Variants in ENO1 observed in about 807,000 individuals in gnomAD.
The protein encoded by ENO1 is alpha-enolase.
ENO1 carries 33 observed loss-of-function variants against 46.3 expected under a neutral mutation model. The ratio of observed to expected loss-of-function variants is 0.71; its 90% confidence interval spans 0.54 to 0.95. The LOEUF (loss-of-function observed/expected upper bound fraction) is 0.95, where lower values mean the gene tolerates loss of function less well. Ranked by LOEUF, ENO1 falls within the 40% of genes least tolerant of loss-of-function variation. The pLI is 0.00. For missense variants in ENO1, 488 were observed against 553.3 expected (o/e 0.88, Z 1.18); for synonymous variants, 220 against 216.0 (o/e 1.02, Z -0.16).
At chr1:8,870,726 A>G in intron 3 of ENO1, 1 of 1,429,580 alleles carries the variant, frequency 7.0e-7, no homozygotes, top group Admixed American at 2.8e-5. Flanking sequence ...AGAGCCACAC[A>G]AAACAGCAGC....
At chr1:8,864,769 AAC>A (rs1448663028) in intron 8 of ENO1, among the ~76,000 whole-genome samples, 1 of 152,186 alleles carries the variant, frequency 6.6e-6, no homozygotes, top group Non-Finnish European at 1.5e-5. Flanking sequence ...GTAGTGGTTA[AAC>A]ACACAGACTC....
chr1:8,867,874 C>T, intron 5 of ENO1, 114 bp downstream of exon 5: 1 of 966,582 alleles, frequency 1.0e-6, no homozygotes, highest in Non-Finnish European at 1.6e-6. Context: ...TGGGAAGAGA[C>T]CACAGGCTCA....
intron 1 of ENO1, chr1:8,875,766 C>T (rs1457493147): frequency 1.3e-5 from 2 of 152,184 alleles, no homozygotes; most frequent in East Asian, 3.9e-4. Context: ...TTAATGATAA[C>T]ATCTTTATTT....
At chr1:8,865,189 C>T (rs1248144649) in intron 8 of ENO1, 96 bp downstream of exon 8, 5 of 1,461,094 alleles carry the variant, frequency 3.4e-6, no homozygotes, top group Non-Finnish European at 4.7e-6. Context: ...CCCTCCCCAT[C>T]CCCTCCTTGC....
chr1:8,874,596 A>G (rs112280853), intron 2 of ENO1, among the ~76,000 whole-genome samples: 3 of 146,826 alleles, frequency 2.0e-5, no homozygotes, highest in African/African-American at 7.6e-5. Flanking sequence ...AAAAAAAAAA[A>G]AAAAGAAAAA....
At chr1:8,864,688 T>A (rs575452312) in intron 8 of ENO1, among the ~76,000 whole-genome samples, 1 of 152,308 alleles carries the variant, frequency 6.6e-6, no homozygotes, top group Non-Finnish European at 1.5e-5. Flanking sequence ...AAAATCAGAA[T>A]GGAGCCACAG....
intron 4 of ENO1, among the ~76,000 whole-genome samples, chr1:8,869,301 G>A (rs547873467): frequency 3.3e-5 from 5 of 151,188 alleles, no homozygotes; most frequent in African/African-American, 1.2e-4. Context: ...AGAGAACAAG[G>A]TATGTGTGGA....
chr1:8,865,168 G>A, intron 8 of ENO1, 117 bp downstream of exon 8: 1 of 1,285,142 alleles, frequency 7.8e-7, no homozygotes, highest in Non-Finnish European at 1.1e-6. Flanking sequence ...GGAGCTGGAA[G>A]TTCAGACACT....
intron 1 of ENO1, 24 bp from the exon 2 acceptor site, chr1:8,874,941 T>A: frequency 6.3e-7 from 1 of 1,587,814 alleles, no homozygotes. Flanking sequence ...ACACAGTTCA[T>A]GTTTTCCATA....
At chr1:8,866,610 C>A in intron 6 of ENO1, 109 bp from the exon 7 acceptor site, 1 of 1,213,196 alleles carries the variant, frequency 8.2e-7, no homozygotes, top group Non-Finnish European at 1.2e-6. Flanking sequence ...GAGCCCAAGA[C>A]TTGCTTCTTG....
At chr1:8,878,479 G>A (rs1309939745) in intron 1 of ENO1, 101 bp downstream of exon 1, 1 of 382,694 alleles carries the variant, frequency 2.6e-6, no homozygotes, top group Admixed American at 2.9e-5. Context: ...CGCCACGCTG[G>A]GCCTGCGGGC....
At position 8,861,276 on chromosome 1, in the gene ENO1, C is replaced by A; in HGVS notation, c.*84G>T. On this transcript the variant is annotated 3_prime_UTR_variant, in exon 12 of 12. Transcript: ENST00000234590. ...AGCAGGGACCCCTGCAAGTGTTGGT[C>A]GGGGGCCTCGAGCTGCCTGAGCTGA... 2.1e-6 allele frequency: 3 copies of A among 1,433,492 alleles called. No individual in the cohort carries two copies. The highest frequency in any genetic ancestry group is 1.2e-5 in the South Asian group (1 of 86,490). 88.8% of individuals were successfully genotyped at this position (1,433,492 alleles called of 1,614,324 possible). A position where few individuals can be genotyped will look rare whatever the true frequency, so the allele number is the denominator to read the frequency against.
chr1:8,876,165 T>G (rs1341631458), intron 1 of ENO1: 2 of 152,074 alleles, frequency 1.3e-5, no homozygotes, highest in African/African-American at 4.8e-5. Context: ...CTGAGGTGGG[T>G]GAGAGGAACT....
At position 8,867,446 on chromosome 1, in the gene ENO1, A is replaced by G. The variant is rs538198787; in HGVS notation, c.311-196T>C. ...CCCCTCTAAGACAGAGCCCAACTCCAGCCAACAGTAGGAATTGCTGAATTC... is the reference window on the plus strand; with the variant it reads ...CCCCTCTAAGACAGAGCCCAACTCCGGCCAACAGTAGGAATTGCTGAATTC... On this transcript the variant is annotated intron_variant, in intron 5 of 11. Transcript: ENST00000234590. 6.4e-4 allele frequency among the ~76,000 whole-genome samples: 98 copies of G among 152,348 alleles called. 2 individuals carry two copies. Among genetic ancestry groups the G allele is most frequent in the Admixed American group, 5.9e-4 (9 of 15,304 alleles).
chr1:8,870,247 T>C, intron 4 of ENO1: 1 of 594,340 alleles, frequency 1.7e-6, no homozygotes, highest in Non-Finnish European at 2.9e-6. Flanking sequence ...ATTCTTCTGA[T>C]GCAATTCCAT....
chr1:8,876,562 G>A (rs1642736812), intron 1 of ENO1, among the ~76,000 whole-genome samples: 1 of 152,092 alleles, frequency 6.6e-6, no homozygotes, highest in African/African-American at 2.4e-5. Flanking sequence ...ATTTTATTAG[G>A]GTGCCTCAGT....
intron 4 of ENO1, among the ~76,000 whole-genome samples, chr1:8,869,066 A>T (rs1157238217): frequency 6.6e-6 from 1 of 152,204 alleles, no homozygotes; most frequent in Non-Finnish European, 1.5e-5. Context: ...GATATAAAAA[A>T]ATATGCAAAG....
At position 8,863,420 on chromosome 1, in the gene ENO1, T is replaced by C. The variant is rs529558420; in HGVS notation, c.1068-77A>G. 9 of 1,420,138 alleles carry C rather than the reference T, an allele frequency of 6.3e-6. No homozygotes were observed. In the South Asian group the frequency reaches 8.2e-5, roughly 13 times the overall value. The allele number at this position is 1,420,138 out of a possible 1,614,324, so 88.0% of individuals were successfully genotyped here. On this transcript the variant is annotated intron_variant, in intron 9 of 11. Transcript: ENST00000234590. ...AACCCCCAATGCCATTACCCCTCGG[T>C]GCCAGCAGGAAAGCAGTGGAGGGGC...
intron 2 of ENO1, among the ~76,000 whole-genome samples, chr1:8,873,589 T>G (rs1642675704): frequency 6.6e-6 from 1 of 152,180 alleles, no homozygotes; most frequent in South Asian, 2.1e-4. Flanking sequence ...GTGAGAACCC[T>G]CAGGGTTCCC....
Sources: allele counts gnomAD v4.1 joint callset (sites outside exome capture counted in the v4.1 genomes callset), GRCh38; gene constraint gnomAD v4.1.1; transcripts MANE v1.5; gene names NCBI Gene and HGNC (gene_info 2026-07-23, HGNC 2026-07-21).